The following OR2L13 variants were observed in gnomAD, a reference collection of about 807,000 sequenced individuals.
The protein encoded by OR2L13 is olfactory receptor family 2 subfamily L member 13, also known as olfactory receptor 2L13.
OR2L13 carries 14 observed loss-of-function variants against 15.3 expected under a neutral mutation model. That is an observed-to-expected ratio of 0.91 (90% CI 0.60 to 1.43). OR2L13 has a LOEUF of 1.43. Ranked by LOEUF, OR2L13 falls within the 40% of genes most tolerant of loss-of-function variation. The pLI, the probability that OR2L13 is intolerant of heterozygous loss-of-function variation, is 0.00. For missense variants in OR2L13, 367 were observed against 387.9 expected, an observed-to-expected ratio of 0.95 and a Z score of 0.45; for synonymous variants, 152 against 142.9, an observed-to-expected ratio of 1.06 and a Z score of -0.45.
At chr1:248,085,214 C>G in the OR2L13 span, among the ~76,000 whole-genome samples, 2 of 151,514 alleles carry the variant, frequency 1.3e-5, no homozygotes, top group African/African-American at 4.9e-5. Flanking sequence ...TCCACTGCCT[C>G]CATTATAACT....
At chr1:247,940,126 A>G in the OR2L13 span, among the ~76,000 whole-genome samples, 1 of 152,164 alleles carries the variant, frequency 6.6e-6, no homozygotes, top group Non-Finnish European at 1.5e-5. Context: ...ATACATGCAC[A>G]TACACATATA....
At chr1:248,095,607 C>CTTTT (rs780686820), upstream of OR2L13, among the ~76,000 whole-genome samples, 145 of 37,306 alleles carry the variant, frequency 3.9e-3, 54 homozygotes, top group South Asian at 9.7e-3. Context: ...AAAGCTGCTG[C>CTTTT]TTTTTTTTTT....
At chr1:248,042,579 T>C in the OR2L13 span, among the ~76,000 whole-genome samples, 2 of 150,750 alleles carry the variant, frequency 1.3e-5, no homozygotes, top group Non-Finnish European at 3.0e-5. Flanking sequence ...AAAAAGACAA[T>C]AAAATAAAAG....
chr1:248,014,001 A>G, the OR2L13 span, among the ~76,000 whole-genome samples: 3 of 152,150 alleles, frequency 2.0e-5, no homozygotes, highest in Admixed American at 2.0e-4. Context: ...AAATTATATT[A>G]AACTATGCTT....
the OR2L13 span, among the ~76,000 whole-genome samples, chr1:248,004,524 C>T: frequency 6.6e-6 from 1 of 152,120 alleles, no homozygotes; most frequent in Non-Finnish European, 1.5e-5. Flanking sequence ...ACTTAACGTA[C>T]CAGTTACTGT....
At chr1:248,021,949 T>C in the OR2L13 span, 6 of 1,611,136 alleles carry the variant, frequency 3.7e-6, no homozygotes, top group Non-Finnish European at 5.1e-6. Flanking sequence ...GAATGCCCCA[T>C]GGAAAATTAC....
At chr1:248,073,299 A>C in the OR2L13 span, among the ~76,000 whole-genome samples, 1 of 152,238 alleles carries the variant, frequency 6.6e-6, no homozygotes, top group African/African-American at 2.4e-5. Flanking sequence ...TGCAGCCATA[A>C]AAAATGATGA....
chr1:248,058,929 C>T, the OR2L13 span, among the ~76,000 whole-genome samples: 5 of 151,966 alleles, frequency 3.3e-5, no homozygotes, highest in African/African-American at 1.2e-4. Flanking sequence ...GAAACTTTCA[C>T]TTAATATTTT....
At chr1:247,980,545 T>C in the OR2L13 span, among the ~76,000 whole-genome samples, 1 of 152,186 alleles carries the variant, frequency 6.6e-6, no homozygotes, top group African/African-American at 2.4e-5. Flanking sequence ...AACATAATTG[T>C]TTCTTTTCCC....
the OR2L13 span, among the ~76,000 whole-genome samples, chr1:248,052,049 C>A: frequency 3.3e-5 from 5 of 152,128 alleles, no homozygotes; most frequent in African/African-American, 1.2e-4. Flanking sequence ...TTTCAACTTG[C>A]AGTGGGTTTG....
At chr1:248,058,530 T>TTA in the OR2L13 span, among the ~76,000 whole-genome samples, 110 of 151,228 alleles carry the variant, frequency 7.3e-4, no homozygotes, top group Middle Eastern at 6.9e-3. Context: ...TAAAACCTGG[T>TTA]TATATATATA....
chr1:248,061,082 G>A, the OR2L13 span: 36 of 1,613,838 alleles, frequency 2.2e-5, no homozygotes, highest in Non-Finnish European at 2.8e-5. Context: ...TATCCCATCC[G>A]CATGAGCAAA....
chr1:247,983,794 A>G, the OR2L13 span, among the ~76,000 whole-genome samples: 7 of 152,336 alleles, frequency 4.6e-5, no homozygotes, highest in Admixed American at 3.3e-4. Context: ...ATTAACGAGA[A>G]CAAGGTCTGG....
the OR2L13 span, among the ~76,000 whole-genome samples, chr1:248,068,765 A>G: frequency 1.3e-5 from 2 of 152,212 alleles, no homozygotes; most frequent in Non-Finnish European, 2.9e-5. Context: ...TAACCAATAC[A>G]GAGTAGTCCT....
the OR2L13 span, chr1:248,083,571 A>G: frequency 1.9e-6 from 2 of 1,071,644 alleles, no homozygotes; most frequent in South Asian, 1.5e-5. Flanking sequence ...TACTAAAGGG[A>G]GAGAATTACA....
chr1:248,075,877 C>T, the OR2L13 span, among the ~76,000 whole-genome samples: 62 of 152,258 alleles, frequency 4.1e-4, no homozygotes, highest in East Asian at 0.012. Flanking sequence ...TCAATTTTGG[C>T]TTTTGTTGCC....
chr1:247,947,729 T>C, the OR2L13 span, among the ~76,000 whole-genome samples: 1 of 152,226 alleles, frequency 6.6e-6, no homozygotes, highest in African/African-American at 2.4e-5. Flanking sequence ...ATGATGAATA[T>C]TGAAAATCAA....
At chr1:247,991,775 A>G in the OR2L13 span, among the ~76,000 whole-genome samples, 1 of 149,620 alleles carries the variant, frequency 6.7e-6, no homozygotes, top group Non-Finnish European at 1.5e-5. Context: ...CTGCTCCACT[A>G]TTTTTATACA....
chr1:248,097,189 C>T (rs1664758595), upstream of OR2L13: 2 of 152,176 alleles, frequency 1.3e-5, no homozygotes, highest in Admixed American at 6.5e-5. Context: ...AGGTTACTTG[C>T]CACAGAAGTG....
Sources: allele counts gnomAD v4.1 joint callset (sites outside exome capture counted in the v4.1 genomes callset), GRCh38; gene constraint gnomAD v4.1.1; transcripts MANE v1.5; gene names NCBI Gene and HGNC (gene_info 2026-07-23, HGNC 2026-07-21).